ZMYND11: variants seen among roughly 807,000 people sequenced by gnomAD.
ZMYND11 encodes zinc finger MYND domain-containing protein 11.
In ZMYND11, 9 loss-of-function variants were observed where a neutral mutation model predicts 84.9. The observed-to-expected ratio is 0.11, with a 90% CI of 0.06 to 0.18. The LOEUF (loss-of-function observed/expected upper bound fraction) is 0.18. Among genes scored for constraint, ZMYND11 ranks in the 10% least tolerant of loss-of-function variants. The pLI, the probability that ZMYND11 is intolerant of heterozygous loss-of-function variation, is 1.00. For missense variants in ZMYND11, 409 were observed against 761.0 expected (o/e 0.54, Z 5.44); for synonymous variants, 250 against 244.1 (o/e 1.02, Z -0.23).
intron 2 of ZMYND11, among the ~76,000 whole-genome samples, chr10:202,622 C>T (rs1036697129): frequency 1.3e-5 from 2 of 152,108 alleles, no homozygotes; most frequent in African/African-American, 4.8e-5. Context: ...TGTTGTCATT[C>T]GTGTGTGCTA....
chr10:226,964 C>T lies in ZMYND11; in HGVS notation c.438+5608C>T, dbSNP rs558247973. Among the ~76,000 whole-genome samples the T allele has an allele frequency of 2.0e-5, 3 of 152,224 alleles. No individual in the cohort carries two copies. In the East Asian group the frequency reaches 5.8e-4, roughly 29 times the overall value. ...AAAACTGGAAAAGACTCGTCCCCTA[C>T]AAATGTTTCAGGTGGCATTTTTCTC... On this transcript the variant is annotated intron_variant, in intron 4 of 14. Transcript: ENST00000381604.
In ZMYND11 at chr10:246,908, T is replaced by G. The variant is rs1952269562; in HGVS notation, c.1093T>G (p.Ser365Ala). 6.2e-7 allele frequency: 1 copy of G among 1,613,424 alleles called. No homozygotes were observed. The highest frequency in any genetic ancestry group is 1.1e-5 in the South Asian group (1 of 90,820). ...RFLREGRFWK[S>A]KNEDRGEEEA... ...CCTACGAGAAGGGAGATTTTGGAAA[T>G]CTAAGAATGAGGACCGAGGTGAGGA... is the stretch of plus-strand genomic sequence containing the variant. The change falls in exon 11 of 15, where the codon TCT becomes GCT. Residue 365 changes from serine (S) to alanine (A), a missense_variant. This residue lies in a region of ZMYND11 where 48 missense variants were observed against 61.1 expected (regional missense o/e 0.79). Transcript: ENST00000381604.
At chr10:172,162 A>G (rs1845489735) in intron 1 of ZMYND11, among the ~76,000 whole-genome samples, 1 of 152,128 alleles carries the variant, frequency 6.6e-6, no homozygotes, top group African/African-American at 2.4e-5. Context: ...TCACCTCCCA[A>G]AGTCTTCACC....
intron 14 of ZMYND11, chr10:249,562 C>G: frequency 1.0e-6 from 1 of 984,918 alleles, no homozygotes; most frequent in Non-Finnish European, 1.2e-6. Flanking sequence ...AGTGACATCT[C>G]ATTGGTCTCT....
chr10:209,241 G>C (rs1245023087), intron 2 of ZMYND11, among the ~76,000 whole-genome samples: 1 of 152,128 alleles, frequency 6.6e-6, no homozygotes, highest in Non-Finnish European at 1.5e-5. Context: ...GATCCAGGGT[G>C]TGTCGGATAT....
intron 3 of ZMYND11, among the ~76,000 whole-genome samples, chr10:210,967 A>G (rs1367790668): frequency 6.6e-6 from 1 of 151,494 alleles, no homozygotes; most frequent in Non-Finnish European, 1.5e-5. Context: ...GTTCAACACT[A>G]GCCTGGGCAA....
intron 3 of ZMYND11, among the ~76,000 whole-genome samples, chr10:215,048 G>A (rs76293955): frequency 6.6e-5 from 10 of 152,124 alleles, no homozygotes; most frequent in South Asian, 2.1e-4. Flanking sequence ...AAATAATGTC[G>A]TTTGCAATTG....
At chr10:143,143 G>T (rs782714200) in intron 1 of ZMYND11, among the ~76,000 whole-genome samples, 2 of 152,136 alleles carry the variant, frequency 1.3e-5, no homozygotes, top group Non-Finnish European at 2.9e-5. Flanking sequence ...AAATGCTAAG[G>T]CTTCAGCATT....
At chr10:182,231 G>A (rs576121613) in intron 2 of ZMYND11, among the ~76,000 whole-genome samples, 2 of 152,276 alleles carry the variant, frequency 1.3e-5, no homozygotes, top group African/African-American at 2.4e-5. Flanking sequence ...ATGGGTGGCA[G>A]ATACCTGTTG....
intron 1 of ZMYND11, among the ~76,000 whole-genome samples, chr10:155,716 C>G (rs1269557646): frequency 6.6e-6 from 1 of 152,006 alleles, no homozygotes; most frequent in Non-Finnish European, 1.5e-5. Context: ...TTAAAAAAGA[C>G]CAAAAATCTA....
chr10:154,289 C>T (rs782735638), intron 1 of ZMYND11, among the ~76,000 whole-genome samples: 11 of 152,178 alleles, frequency 7.2e-5, no homozygotes, highest in Admixed American at 4.6e-4. Context: ...CTAATACATA[C>T]ACATGTATGG....
rs1252802173 is a variant in ZMYND11, at chr10:135,606, G to C, written c.-20+47G>C. The C allele has an allele frequency of 6.7e-6, 1 of 150,156 alleles. No individual in the cohort carries two copies. The highest frequency in any genetic ancestry group is 1.5e-5 in the Non-Finnish European group (1 of 67,116). 9.3% of individuals were successfully genotyped at this position (150,156 alleles called of 1,614,324 possible). A position where few individuals can be genotyped will look rare whatever the true frequency, so the allele number is the denominator to read the frequency against. On this transcript the variant is annotated intron_variant, in intron 1 of 14. Coordinates refer to ENST00000381604, the MANE Select transcript of ZMYND11 (RefSeq NM_001370100.5). This position sits in a 1 kb window ranked among gnomAD's most constrained non-coding sequence, Gnocchi z 5.6. The stretch of plus-strand genomic sequence containing the variant: ...GGCGGCGGGGCGGGCGGGGGCGTCC[G>C]TGGAGATGGCGCGGCCCGCGCGGTG...
At chr10:199,080 C>T (rs1051641969) in intron 2 of ZMYND11, among the ~76,000 whole-genome samples, 1 of 152,180 alleles carries the variant, frequency 6.6e-6, no homozygotes, top group African/African-American at 2.4e-5. Flanking sequence ...AAAGCTCTGC[C>T]TAGCTTCTGA....
chr10:232,308 T>C (rs1949139884), intron 4 of ZMYND11, among the ~76,000 whole-genome samples: 1 of 152,240 alleles, frequency 6.6e-6, no homozygotes, highest in Non-Finnish European at 1.5e-5. Context: ...GAAATCTCCT[T>C]GAACAGACCT....
Position 192,166 on chromosome 10 carries a change from A to G in ZMYND11, c.116+12038A>G, listed in dbSNP as rs1045514415. 3.9e-5 allele frequency among the ~76,000 whole-genome samples: 6 copies of G among 152,192 alleles called. No individual in the cohort carries two copies. The South Asian group carries it at 6.2e-4, about 16-fold the overall frequency. On this transcript the variant is annotated intron_variant, in intron 2 of 14. Transcript: ENST00000381604. ...TGCTTTCACGGTGCCTGTATGTGTCATCTGTTAAATTCTTATAACAGCACT... is the reference window on the plus strand; with the variant it reads ...TGCTTTCACGGTGCCTGTATGTGTCGTCTGTTAAATTCTTATAACAGCACT...
Position 135,469 on chromosome 10 carries a change from C to CCCGA in ZMYND11, c.-109_-106dup, listed in dbSNP as rs1835726190. On this transcript the variant is annotated 5_prime_UTR_variant, in exon 1 of 15. Transcript: ENST00000381604. This position sits in a 1 kb window ranked among gnomAD's most constrained non-coding sequence, Gnocchi z 5.6. ...CCCCCGCGCCCGTCGCCGGCTCAGG[C>CCCGA]CCGAGAGGCGCCGGGCGGCGGGAAG... 2.6e-5 allele frequency: 4 copies of CCCGA among 153,374 alleles called. No homozygotes were observed. The South Asian group carries it at 7.1e-4, about 27-fold the overall frequency. The allele number at this position is 153,374 out of a possible 1,614,324, so 9.5% of individuals were successfully genotyped here.
intron 2 of ZMYND11, among the ~76,000 whole-genome samples, chr10:188,942 A>G (rs1181326459): frequency 1.3e-5 from 2 of 152,216 alleles, no homozygotes; most frequent in Non-Finnish European, 2.9e-5. Context: ...TATTGGACCT[A>G]TATGTTTCCT....
chr10:234,673 T>C (rs924870876), intron 4 of ZMYND11, among the ~76,000 whole-genome samples: 3 of 152,192 alleles, frequency 2.0e-5, no homozygotes, highest in Non-Finnish European at 4.4e-5. Flanking sequence ...GAAGGCCATG[T>C]AGCTAGAAGC....
In ZMYND11 at chr10:165,634, G is replaced by A. The variant is rs372096736; in HGVS notation, c.-19-14360G>A. On this transcript the variant is annotated intron_variant, in intron 1 of 14. Coordinates refer to ENST00000381604, the MANE Select transcript of ZMYND11 (RefSeq NM_001370100.5). ...CCCAGTGTAACACCCTGGGAAAACC[G>A]GAAATCTAAGCATTATCCTTGACAC... Among the ~76,000 whole-genome samples the A allele has an allele frequency of 7.3e-4, 111 of 151,970 alleles. 1 individual carries two copies. The highest frequency in any genetic ancestry group is 2.3e-3 in the African/African-American group (96 of 41,380).
Sources: gnomAD v4.1 joint callset for allele counts (sites outside exome capture counted in the v4.1 genomes callset) on GRCh38, gnomAD v4.1.1 for gene constraint, gnomAD v4.1.1 regional missense constraint, Gnocchi (gnomAD v3.1) non-coding constraint, MANE v1.5 for transcripts, NCBI Gene and HGNC (gene_info 2026-07-23, HGNC 2026-07-21) for gene names.